Variants in MYOM2 observed in about 807,000 individuals in gnomAD.
The protein encoded by MYOM2 is myomesin-2.
A neutral mutation model predicts 187.6 loss-of-function variants in MYOM2; 254 were observed. That is an observed-to-expected ratio of 1.35 (90% confidence interval 1.22 to 1.50). The LOEUF is 1.50. Among genes scored for constraint, MYOM2 ranks in the 40% most tolerant of loss-of-function variants. The pLI is 0.00. For missense variants in MYOM2, 2,796 were observed against 1,924.0 expected, an observed-to-expected ratio of 1.45 and a Z score of -8.48; for synonymous variants, 981 against 753.8, an observed-to-expected ratio of 1.30 and a Z score of -4.94.
intron 21 of MYOM2, 26 bp from the exon 22 acceptor site, chr8:2,106,216 G>T: frequency 6.2e-7 from 1 of 1,609,934 alleles, no homozygotes; most frequent in Non-Finnish European, 8.5e-7. Context: ...TCCCTAAGCC[G>T]CTCACTTCAT....
chr8:2,082,648 G>T (rs570856267), intron 13 of MYOM2, among the ~76,000 whole-genome samples: 26 of 152,270 alleles, frequency 1.7e-4, no homozygotes, highest in African/African-American at 6.3e-4. Flanking sequence ...TTGAAAAATG[G>T]ACACTGTATT....
intron 23 of MYOM2, 81 bp downstream of exon 23, chr8:2,106,678 C>A: frequency 1.9e-6 from 2 of 1,049,722 alleles, no homozygotes; most frequent in South Asian, 1.6e-5. Flanking sequence ...AAAAGACTTA[C>A]TTGCTTAGAA....
At chr8:2,055,218 G>A (rs1818624250) in intron 3 of MYOM2, among the ~76,000 whole-genome samples, 1 of 152,184 alleles carries the variant, frequency 6.6e-6, no homozygotes, top group African/African-American at 2.4e-5. Flanking sequence ...GGGATTCAGA[G>A]TTACAGGACA....
chr8:2,116,138 A>T lies in MYOM2; in HGVS notation c.3325+34A>T, dbSNP rs1307284788. The T allele has an allele frequency of 6.2e-6, 10 of 1,604,464 alleles. No individual in the cohort carries two copies. In the Admixed American group the frequency reaches 1.7e-4, roughly 27 times the overall value. On this transcript the variant is annotated intron_variant, in intron 26 of 36. Transcript: ENST00000262113. ...TATCGAATATTTCCACGTCCATACA[A>T]GATAATTCAAATGAAATTCTTTTGA...
At chr8:2,143,299 C>G (rs1048349508) in intron 35 of MYOM2, 102 bp from the exon 36 acceptor site, 76 of 1,308,900 alleles carry the variant, frequency 5.8e-5, no homozygotes, top group Non-Finnish European at 8.3e-5. Context: ...AGCATAAACT[C>G]CTCACCACAT....
At chr8:2,076,060 C>T (rs1819405591) in intron 10 of MYOM2, 81 bp from the exon 11 acceptor site, 1 of 1,365,766 alleles carries the variant, frequency 7.3e-7, no homozygotes, top group Non-Finnish European at 9.9e-7. Context: ...AGAATTGGAG[C>T]TTGGAGGAGC....
chr8:2,046,503 C>T (rs116242156), intron 1 of MYOM2, among the ~76,000 whole-genome samples: 155 of 152,246 alleles, frequency 1.0e-3, no homozygotes, highest in African/African-American at 3.7e-3. Flanking sequence ...TCCCTGGGGA[C>T]GGTCTGTGCT....
In MYOM2 at chr8:2,095,957, T is replaced by C. The variant is rs189191033; in HGVS notation, c.2126-290T>C. Among the ~76,000 whole-genome samples the C allele has an allele frequency of 5.5e-3, 839 of 152,318 alleles. 8 individuals are homozygous for C. Among genetic ancestry groups the C allele is most frequent in the African/African-American group, 0.019 (795 of 41,572 alleles). ...ACAGAACATCTTCTGCTGTGTCAAA[T>C]GTTCATACCAGATTTAAACCGTTCA... On this transcript the variant is annotated intron_variant, in intron 17 of 36. Coordinates refer to ENST00000262113, the MANE Select transcript of MYOM2 (RefSeq NM_003970.4).
intron 28 of MYOM2, among the ~76,000 whole-genome samples, chr8:2,121,819 T>A (rs1797469834): frequency 1.3e-5 from 2 of 152,206 alleles, no homozygotes; most frequent in South Asian, 4.1e-4. Context: ...TTAGGAAGTG[T>A]GAGTCAGGCA....
At chr8:2,135,848 A>G (rs1222852204) in intron 32 of MYOM2, among the ~76,000 whole-genome samples, 1 of 152,228 alleles carries the variant, frequency 6.6e-6, no homozygotes, top group Non-Finnish European at 1.5e-5. Flanking sequence ...AGAAATTAAC[A>G]GCTATTTTTG....
At chr8:2,121,493 T>C (rs1797456692) in intron 28 of MYOM2, among the ~76,000 whole-genome samples, 1 of 152,222 alleles carries the variant, frequency 6.6e-6, no homozygotes, top group Admixed American at 6.5e-5. Context: ...AAAACTAATA[T>C]TACTTGAGGT....
At chr8:2,136,319 T>G (rs73657767) in intron 32 of MYOM2, among the ~76,000 whole-genome samples, 17,717 of 148,884 alleles carry the variant, frequency 0.12, 1,799 homozygotes, top group African/African-American at 0.26. Context: ...GTGTTTACCC[T>G]GATCCCAGGG....
chr8:2,128,406 A>T (rs1797730704), intron 31 of MYOM2, among the ~76,000 whole-genome samples: 3 of 152,236 alleles, frequency 2.0e-5, no homozygotes, highest in African/African-American at 7.2e-5. Context: ...CTAATTATGT[A>T]AATCTAGTTT....
At chr8:2,126,279 G>A (rs1418394217) in intron 31 of MYOM2, among the ~76,000 whole-genome samples, 1 of 152,142 alleles carries the variant, frequency 6.6e-6, no homozygotes, top group Non-Finnish European at 1.5e-5. Context: ...TTATTCTCAT[G>A]GGAAACTGGA....
At chr8:2,067,756 GTT>G (rs1452293449) in intron 6 of MYOM2, among the ~76,000 whole-genome samples, 3 of 150,026 alleles carry the variant, frequency 2.0e-5, no homozygotes, top group Admixed American at 6.7e-5. Context: ...GTTTTTTTTT[GTT>G]TTGTTTTGTT....
At chr8:2,101,163 T>C (rs1050372298) in intron 20 of MYOM2, 109 bp downstream of exon 20, 3 of 1,089,994 alleles carry the variant, frequency 2.8e-6, no homozygotes, top group African/African-American at 1.6e-5. Context: ...CTGGCCAACA[T>C]GGAGAAGCCC....
chr8:2,124,237 T>C lies in MYOM2; in HGVS notation c.3694+20T>C. On this transcript the variant is annotated intron_variant, in intron 31 of 36. Transcript: ENST00000262113. The stretch of plus-strand genomic sequence containing the variant: ...TCTGTGGTAAGTAAATGCCTTTTAA[T>C]TTTCAAGTCATTTGGGGTGCTGAAA... 2 of 1,605,222 alleles carry C rather than the reference T, an allele frequency of 1.2e-6. No homozygotes were observed. Among genetic ancestry groups the C allele is most frequent in the Non-Finnish European group, 1.7e-6 (2 of 1,173,138 alleles).
intron 19 of MYOM2, among the ~76,000 whole-genome samples, chr8:2,099,385 A>G (rs1585903902): frequency 1.3e-5 from 2 of 152,128 alleles, no homozygotes; most frequent in East Asian, 3.9e-4. Flanking sequence ...CCCCGGCCCC[A>G]GCTGGGAGGC....
rs925057698 is a variant in MYOM2, at chr8:2,067,581, G to A, written c.654-1697G>A. Among the ~76,000 whole-genome samples, 11 of 152,130 alleles carry A rather than the reference G, an allele frequency of 7.2e-5. 1 individual carries two copies. Among genetic ancestry groups the A allele is most frequent in the African/African-American group, 1.7e-4 (7 of 41,432 alleles). On this transcript the variant is annotated intron_variant, in intron 6 of 36. Transcript: ENST00000262113. ...GAGTAAAAGCTCAGCTGATCTTAGCGCCTCTTCCTTACCCCCTCTTGTCTC... is the reference window on the plus strand; with the variant it reads ...GAGTAAAAGCTCAGCTGATCTTAGCACCTCTTCCTTACCCCCTCTTGTCTC...
Sources: gnomAD v4.1 joint callset for allele counts (sites outside exome capture counted in the v4.1 genomes callset) on GRCh38, gnomAD v4.1.1 for gene constraint, MANE v1.5 for transcripts, NCBI Gene and HGNC (gene_info 2026-07-23, HGNC 2026-07-21) for gene names.